ACSBG1: variants seen among roughly 807,000 people sequenced by gnomAD.
ACSBG1 encodes long-chain-fatty-acid--CoA ligase ACSBG1.
A neutral mutation model predicts 80.2 loss-of-function variants in ACSBG1; 39 were observed. The observed-to-expected ratio is 0.49, with a 90% CI of 0.38 to 0.64. ACSBG1 has a LOEUF of 0.64. ACSBG1 is among the 30% of genes least tolerant of loss of function. The pLI, the probability that ACSBG1 is intolerant of heterozygous loss-of-function variation, is 0.00. For synonymous variants in ACSBG1, 392 were observed against 379.5 expected (o/e 1.03, Z -0.38); for missense variants, 828 against 966.4 (o/e 0.86, Z 1.90).
intron 2 of ACSBG1, among the ~76,000 whole-genome samples, chr15:78,202,070 G>A: frequency 6.6e-6 from 1 of 152,226 alleles, no homozygotes; most frequent in African/African-American, 2.4e-5. Flanking sequence ...GGAGTGCACA[G>A]AAGCAGGTGG....
rs760399020 is a variant in ACSBG1 at position 78,194,560 on chromosome 15, G to A, written c.399C>T (p.Ile133=). 11 of 1,614,134 alleles carry A rather than the reference G, an allele frequency of 6.8e-6. 1 individual carries two copies. In the South Asian group the frequency reaches 1.2e-4, roughly 18 times the overall value. The change falls in exon 3 of 14, where the codon ATC becomes ATT. Residue 133 remains isoleucine, a synonymous_variant. Coordinates refer to ENST00000258873, the MANE Select transcript of ACSBG1 (RefSeq NM_015162.5). ...GFKRQDKWEH[I]SYSQYYLLAR... ...CGAGCAGGTAGTATTGGGAGTAGGA[G>A]ATGTGTTCCCACTTGTCCTGGCGCT...
At position 78,171,289 on chromosome 15, in the gene ACSBG1, G is replaced by GTA; in HGVS notation, c.*154_*155insTA. The GTA allele has an allele frequency of 1.8e-6, 1 of 561,074 alleles. No individual in the cohort carries two copies. 34.8% of individuals were successfully genotyped at this position (561,074 alleles called of 1,614,324 possible). ...GAATTGTCAGCTATTGTTGGCGTAA[G>GTA]ACCTGGTAAATGTAGAGCCAGTGCT... On this transcript the variant is annotated 3_prime_UTR_variant, in exon 14 of 14. Transcript: ENST00000258873.
intron 2 of ACSBG1, among the ~76,000 whole-genome samples, chr15:78,195,819 GGGGCTGCCCT>G (rs915291236): frequency 1.3e-5 from 2 of 152,152 alleles, no homozygotes; most frequent in African/African-American, 4.8e-5. Context: ...CAGGACAGGT[GGGGCTGCCCT>G]GCCACCTGCT....
chr15:78,194,425 T>C (rs1182424901), intron 3 of ACSBG1, 81 bp downstream of exon 3: 6 of 1,345,438 alleles, frequency 4.5e-6, no homozygotes, highest in Admixed American at 1.9e-5. Context: ...CAGTGGGCAG[T>C]TGGAGAGGAG....
intron 2 of ACSBG1, among the ~76,000 whole-genome samples, chr15:78,202,747 A>G (rs1467313100): frequency 6.6e-6 from 1 of 152,242 alleles, no homozygotes; most frequent in Non-Finnish European, 1.5e-5. Flanking sequence ...AACTGGCAAT[A>G]TATATCCAAA....
At position 78,233,636 on chromosome 15, in the gene ACSBG1, C is replaced by T. The variant is rs182957331; in HGVS notation, c.131+735G>A. ...AGAAACCTCCTTCTCTCTGCCCCTT[C>T]GCCTGCGCCCCTCCTGGACACAAAT... On this transcript the variant is annotated intron_variant, in intron 1 of 13. Transcript: ENST00000258873. 4.8e-4 allele frequency among the ~76,000 whole-genome samples: 73 copies of T among 152,334 alleles called. No homozygotes were observed. The East Asian group carries it at 0.011, about 24-fold the overall frequency.
At chr15:78,215,710 GAGAA>G (rs1469467467) in intron 1 of ACSBG1, among the ~76,000 whole-genome samples, 13 of 113,610 alleles carry the variant, frequency 1.1e-4, no homozygotes, top group East Asian at 5.0e-4. Context: ...GAAGGAAAGA[GAGAA>G]AGAAAGAAAG....
chr15:78,225,918 T>C (rs2075396869), intron 1 of ACSBG1, among the ~76,000 whole-genome samples: 1 of 152,196 alleles, frequency 6.6e-6, no homozygotes, highest in South Asian at 2.1e-4. Context: ...TGGAGGAGAA[T>C]GAGCTTCCAA....
At chr15:78,213,305 G>A (rs1037811086) in intron 1 of ACSBG1, 4 of 152,470 alleles carry the variant, frequency 2.6e-5, no homozygotes, top group Non-Finnish European at 4.4e-5. Context: ...AGTCTGCATG[G>A]ACTGCCTCAC....
In ACSBG1 at chr15:78,178,823, T is replaced by A. The variant is rs763417842; in HGVS notation, c.1493A>T (p.Lys498Met). The change falls in exon 11 of 14, where the codon AAG (lysine) becomes ATG (methionine). Residue 498 changes from lysine (K) to methionine (M), a missense_variant. Transcript: ENST00000258873. The surrounding 1 kb of genome is among the most constrained non-coding windows in gnomAD (Gnocchi z 4.3). Reference protein sequence around the residue: ...PYNYRLYSSGKLVPGCRVKLV... With the variant: ...PYNYRLYSSGMLVPGCRVKLV... Reference sequence around the variant, plus strand: ...CTTCACCCGACAGCCGGGCACCAACTTGCCTGAGCTGGCGAGGGAGGGGCC... The same window carrying A: ...CTTCACCCGACAGCCGGGCACCAACATGCCTGAGCTGGCGAGGGAGGGGCC... 2 of 1,611,364 alleles carry A rather than the reference T, an allele frequency of 1.2e-6. No individual in the cohort carries two copies. Among genetic ancestry groups the A allele is most frequent in the African/African-American group, 2.7e-5 (2 of 74,924 alleles).
At chr15:78,223,452 A>T (rs1051649552) in intron 1 of ACSBG1, among the ~76,000 whole-genome samples, 2 of 152,182 alleles carry the variant, frequency 1.3e-5, no homozygotes, top group African/African-American at 4.8e-5. Context: ...AAATAAATTA[A>T]AAAAATAGAG....
At chr15:78,201,747 G>C (rs2075170432) in intron 2 of ACSBG1, among the ~76,000 whole-genome samples, 1 of 152,252 alleles carries the variant, frequency 6.6e-6, no homozygotes, top group Non-Finnish European at 1.5e-5. Context: ...CAATGAGTTA[G>C]AAGGGCTGGG....
chr15:78,232,245 T>C (rs749626112), intron 1 of ACSBG1, among the ~76,000 whole-genome samples: 8 of 152,368 alleles, frequency 5.3e-5, no homozygotes, highest in East Asian at 1.9e-4. Context: ...GAGGATGCTA[T>C]TGAGGCTCAG....
Position 78,174,526 on chromosome 15 carries a change from T to C in ACSBG1, c.1703-2A>G. On this transcript the variant is annotated splice_acceptor_variant, in intron 11 of 13. Coordinates refer to ENST00000258873, the MANE Select transcript of ACSBG1 (RefSeq NM_015162.5). LOFTEE classifies it high-confidence loss of function. ...CCCCACCAGCTGTGATGATTAATTCTGGGGAGGCAAGGCCAGGCCCCCGGC... is the reference window on the plus strand; with the variant it reads ...CCCCACCAGCTGTGATGATTAATTCCGGGGAGGCAAGGCCAGGCCCCCGGC... 6.2e-7 allele frequency: 1 copy of C among 1,613,438 alleles called. No homozygotes were observed.
chr15:78,209,329 C>T (rs555138136), intron 1 of ACSBG1: 74 of 445,626 alleles, frequency 1.7e-4, no homozygotes, highest in Non-Finnish European at 2.1e-4. Context: ...ACTGGGGAAC[C>T]AAGGTGGCGC....
At chr15:78,182,672 C>A (rs368651110) in intron 6 of ACSBG1, 33 bp downstream of exon 6, 3 of 1,613,988 alleles carry the variant, frequency 1.9e-6, no homozygotes. Flanking sequence ...CCCAATAGGC[C>A]CCACCTGGCG....
intron 9 of ACSBG1, among the ~76,000 whole-genome samples, chr15:78,180,046 G>C (rs28699018): frequency 0.048 from 7,273 of 152,154 alleles, 315 homozygotes; most frequent in African/African-American, 0.11. Context: ...ACAGGTGTAC[G>C]GGCAACAACA....
chr15:78,189,822 T>C (rs910961229), intron 5 of ACSBG1, among the ~76,000 whole-genome samples: 2 of 151,664 alleles, frequency 1.3e-5, no homozygotes, highest in African/African-American at 4.8e-5. Flanking sequence ...TAAAGTATAA[T>C]AATAATAAAA....
intron 1 of ACSBG1, among the ~76,000 whole-genome samples, chr15:78,219,633 A>C (rs769809104): frequency 2.0e-5 from 3 of 152,324 alleles, no homozygotes; most frequent in Non-Finnish European, 4.4e-5. Flanking sequence ...TTTAATCAAA[A>C]TCTTAGCTGG....
Sources: gnomAD v4.1 joint callset for allele counts (sites outside exome capture counted in the v4.1 genomes callset) on GRCh38, gnomAD v4.1.1 for gene constraint, Gnocchi (gnomAD v3.1) non-coding constraint, MANE v1.5 for transcripts, NCBI Gene and HGNC (gene_info 2026-07-23, HGNC 2026-07-21) for gene names.